CPSF1: variants seen among roughly 807,000 people sequenced by gnomAD.
CPSF1 encodes cleavage and polyadenylation specificity factor subunit 1.
Under a neutral mutation model 175.8 loss-of-function variants are expected in CPSF1, and 106 were observed. The observed-to-expected ratio is 0.60, with a 90% CI of 0.52 to 0.71. The LOEUF is 0.71. Among genes scored for constraint, CPSF1 ranks in the 30% least tolerant of loss-of-function variants. The pLI, the probability that CPSF1 is intolerant of heterozygous loss-of-function variation, is 0.00. For synonymous variants in CPSF1, 1,024 were observed against 858.3 expected (o/e 1.19, Z -3.37); for missense variants, 1,734 against 2,022.9 (o/e 0.86, Z 2.74).
rs2116861979 is a variant in CPSF1, at chr8:144,399,376, GCA to G, written c.1295-5_1295-4del. 803 of 1,612,816 alleles carry G rather than the reference GCA, an allele frequency of 5.0e-4. 6 individuals are homozygous for G. In the African/African-American group the frequency reaches 9.6e-3, roughly 19 times the overall value. ...CTGCGGCACCGACTTACCCGCAGCT[GCA>G]CACAGAGAGCCCACTTGAGCGCAGC... On this transcript the variant is annotated splice_polypyrimidine_tract_variant and splice_region_variant and intron_variant, in intron 13 of 37. Transcript: ENST00000616140. This position sits in a 1 kb window ranked among gnomAD's most constrained non-coding sequence, Gnocchi z 6.4.
chr8:144,402,622 T>C (rs1303046438), intron 2 of CPSF1, among the ~76,000 whole-genome samples: 2 of 152,162 alleles, frequency 1.3e-5, no homozygotes, highest in African/African-American at 4.8e-5. Context: ...GATGGACTTG[T>C]GCTATGGGGA....
At chr8:144,400,135 G>GCGCCCCCC in intron 9 of CPSF1, 31 bp downstream of exon 9, 1 of 896,006 alleles carries the variant, frequency 1.1e-6, no homozygotes, top group Non-Finnish European at 1.6e-6. Flanking sequence ...CCGTCCCCGG[G>GCGCCCCCC]CCCCCCCCGC....
chr8:144,402,710 C>T (rs2116892523), intron 2 of CPSF1, among the ~76,000 whole-genome samples: 1 of 152,134 alleles, frequency 6.6e-6, no homozygotes, highest in South Asian at 2.1e-4. Flanking sequence ...ACAAGGGCAA[C>T]TCCAGGGCTT....
chr8:144,396,814 C>A, intron 24 of CPSF1, 26 bp downstream of exon 24: 9 of 1,613,248 alleles, frequency 5.6e-6, no homozygotes, highest in South Asian at 1.1e-5. Context: ...ACCCACCCCA[C>A]GCCCCAGCAG....
rs2116913247 is a variant in CPSF1 at position 144,409,111 on chromosome 8, G to C, written c.48C>G (p.Phe16Leu). The C allele has an allele frequency of 6.2e-7, 1 of 1,613,842 alleles. No homozygotes were observed. Among genetic ancestry groups the C allele is most frequent in the Non-Finnish European group, 8.5e-7 (1 of 1,179,900 alleles). Residue 16 changes from phenylalanine (F) to leucine (L), a missense_variant, in exon 2 of 38, where the codon TTC (phenylalanine) becomes TTG (leucine). This residue lies in a region of CPSF1 where 126 missense variants were observed against 117.9 expected (regional missense o/e 1.07). Transcript: ENST00000616140. Reference sequence around the variant, plus strand: ...TGTTGAAGAAGTTGCAGTACATGGAGAACTCCAGACCGGTGGGCGGATGCG... The same window carrying C: ...TGTTGAAGAAGTTGCAGTACATGGACAACTCCAGACCGGTGGGCGGATGCG... ...KQAHPPTGLE[F>L]SMYCNFFNNS...
Position 144,394,310 on chromosome 8 carries a change from G to A in CPSF1, c.3745-10C>T, listed in dbSNP as rs782208221. 1 of 1,586,444 alleles carries A rather than the reference G, an allele frequency of 6.3e-7. No individual in the cohort carries two copies. Among genetic ancestry groups the A allele is most frequent in the East Asian group, 2.2e-5 (1 of 44,470 alleles). On this transcript the variant is annotated splice_polypyrimidine_tract_variant and intron_variant, in intron 32 of 37. Coordinates refer to ENST00000616140, the MANE Select transcript of CPSF1 (RefSeq NM_013291.3). ...CCAGGGGCTTGGCATCCTGGGGGCG[G>A]GAAGGGGGCGTCAGAGGTGCCTTGG...
At position 144,394,156 on chromosome 8, in the gene CPSF1, A is replaced by G; in HGVS notation, c.3816T>C (p.Ser1272=). The change falls in exon 34 of 38, where the codon TCT becomes TCC. Residue 1272 remains serine (S), a synonymous_variant. Coordinates refer to ENST00000616140, the MANE Select transcript of CPSF1 (RefSeq NM_013291.3). ...VDNAQLGFLV[S]DRDRNLMVYM... is the part of the protein sequence containing the mutation. ...ACACCATGAGGTTGCGGTCGCGGTC[A>G]GACACTGGGGAGCAGAGGCCCAGGG... 2 of 1,612,878 alleles carry G rather than the reference A, an allele frequency of 1.2e-6. No homozygotes were observed. The highest frequency in any genetic ancestry group is 1.7e-6 in the Non-Finnish European group (2 of 1,179,942).
chr8:144,395,233 T>C (rs782259036), intron 28 of CPSF1, 32 bp downstream of exon 28: 7 of 1,612,774 alleles, frequency 4.3e-6, no homozygotes, highest in Non-Finnish European at 4.2e-6. Flanking sequence ...AAGATGCGGC[T>C]GAGGATGGGA....
In CPSF1 at chr8:144,399,555, A is replaced by C; in HGVS notation, c.1242+33T>G. The C allele has an allele frequency of 6.2e-7, 1 of 1,611,544 alleles. No homozygotes were observed. Among genetic ancestry groups the C allele is most frequent in the Non-Finnish European group, 8.5e-7 (1 of 1,179,238 alleles). ...GCATGCCACAGCAGTGCCCACATGA[A>C]GGGTGGTGGCCCAATGGGCCCAGGA... On this transcript the variant is annotated intron_variant, in intron 12 of 37. Coordinates refer to ENST00000616140, the MANE Select transcript of CPSF1 (RefSeq NM_013291.3). This position sits in a 1 kb window ranked among gnomAD's most constrained non-coding sequence, Gnocchi z 6.4.
Position 144,399,560 on chromosome 8 carries a change from G to C in CPSF1, c.1242+28C>G. 6.8e-6 allele frequency: 11 copies of C among 1,611,330 alleles called. No individual in the cohort carries two copies. The highest frequency in any genetic ancestry group is 9.3e-6 in the Non-Finnish European group (11 of 1,179,110). On this transcript the variant is annotated intron_variant, in intron 12 of 37. Transcript: ENST00000616140. The surrounding 1 kb of genome is among the most constrained non-coding windows in gnomAD (Gnocchi z 6.4). ...CCACAGCAGTGCCCACATGAAGGGT[G>C]GTGGCCCAATGGGCCCAGGAAACCC... is the stretch of plus-strand genomic sequence containing the variant.
chr8:144,400,135 G>GGGGGCCCCCCCCCCCCCCCCCCCCC, intron 9 of CPSF1, 31 bp downstream of exon 9: 21 of 895,994 alleles, frequency 2.3e-5, no homozygotes, highest in East Asian at 2.9e-5. Context: ...CCGTCCCCGG[G>GGGGGCCCCCCCCCCCCCCCCCCCCC]CCCCCCCCGC....
chr8:144,396,760 G>T lies in CPSF1; in HGVS notation c.2683-19C>A, dbSNP rs781851467. 51 of 1,613,436 alleles carry T rather than the reference G, an allele frequency of 3.2e-5. No homozygotes were observed. The Middle Eastern group carries it at 6.6e-4, about 21-fold the overall frequency. ...GAGGGACCTGGGGGGGAACCATGCAGGTCCTCCAGGGGCTGCCGGTCTGAA... is the reference window on the plus strand; with the variant it reads ...GAGGGACCTGGGGGGGAACCATGCATGTCCTCCAGGGGCTGCCGGTCTGAA... On this transcript the variant is annotated intron_variant, in intron 24 of 37. Transcript: ENST00000616140.
chr8:144,400,072 A>C lies in CPSF1; in HGVS notation c.951T>G (p.Gly317=). 6.3e-7 allele frequency: 1 copy of C among 1,584,814 alleles called. No individual in the cohort carries two copies. Among genetic ancestry groups the C allele is most frequent in the Non-Finnish European group, 8.5e-7 (1 of 1,172,314 alleles). Residue 317 remains glycine, a synonymous_variant, in exon 10 of 38, where the codon GGT becomes GGG. Transcript: ENST00000616140. ...GGGCGCAGTCCAGGGTGATCCGCACACCCTCCTGGGTGCCTGTGGGGTGGG... is the reference window on the plus strand; with the variant it reads ...GGGCGCAGTCCAGGGTGATCCGCACCCCCTCCTGGGTGCCTGTGGGGTGGG... The part of the protein sequence containing the change: ...TTAFPLRTQE[G]VRITLDCAQA...
At chr8:144,408,989 G>A in intron 2 of CPSF1, 26 bp downstream of exon 2, 1 of 1,609,388 alleles carries the variant, frequency 6.2e-7, no homozygotes, top group Non-Finnish European at 8.5e-7. Flanking sequence ...GCGGACAGCC[G>A]GGAGGGCTCC....
chr8:144,399,654 G>A lies in CPSF1; in HGVS notation c.1176C>T (p.Leu392=). The A allele has an allele frequency of 6.2e-7, 1 of 1,610,868 alleles. No individual in the cohort carries two copies. Among genetic ancestry groups the A allele is most frequent in the Non-Finnish European group, 8.5e-7 (1 of 1,178,780 alleles). Residue 392 remains leucine (L), a synonymous_variant, in exon 12 of 38, where the codon CTC becomes CTT. Transcript: ENST00000616140. This position sits in a 1 kb window ranked among gnomAD's most constrained non-coding sequence, Gnocchi z 6.4. ...GCAGCTTCTCCGTGTACTTGAGGAG[G>A]AGGGAATTGCCCAGGCGAGAACCCA... ...LFLGSRLGNS[L]LLKYTEKLQE... is the part of the protein sequence containing the mutation.
Position 144,398,399 on chromosome 8 carries a change from G to C in CPSF1, c.1797C>G (p.Gly599=). 1 of 1,613,620 alleles carries C rather than the reference G, an allele frequency of 6.2e-7. No homozygotes were observed. The highest frequency in any genetic ancestry group is 8.5e-7 in the Non-Finnish European group (1 of 1,179,926). The change falls in exon 19 of 38, where the codon GGC becomes GGG. Residue 599 remains glycine, a synonymous_variant. Transcript: ENST00000616140. ...AGACCGTGGGGCCCTGAGTGGCGAAGCCACTGGTGTCCAGCTCCATGATCT... is the reference window on the plus strand; with the variant it reads ...AGACCGTGGGGCCCTGAGTGGCGAACCCACTGGTGTCCAGCTCCATGATCT... ...GQEIMELDTS[G]FATQGPTVFA... is the part of the protein sequence containing the mutation.
Position 144,396,363 on chromosome 8 carries a change from C to T in CPSF1, c.2964G>A (p.Leu988=). The change falls in exon 26 of 38, where the codon CTG becomes CTA. Residue 988 remains leucine (L), a synonymous_variant. Coordinates refer to ENST00000616140, the MANE Select transcript of CPSF1 (RefSeq NM_013291.3). ...FHNVNCPRGF[L]YFNRQGELRI... Reference sequence around the variant, plus strand: ...CGGGCCCCACCTGTCTGTTGAAGTACAGGAAGCCGCGGGGACAGTTGACAT... The same window carrying T: ...CGGGCCCCACCTGTCTGTTGAAGTATAGGAAGCCGCGGGGACAGTTGACAT... 4 of 1,586,650 alleles carry T rather than the reference C, an allele frequency of 2.5e-6. 1 individual carries two copies. The highest frequency in any genetic ancestry group is 3.4e-6 in the Non-Finnish European group (4 of 1,169,586).
Position 144,399,857 on chromosome 8 carries a change from G to T in CPSF1, c.1043C>A (p.Thr348Asn). The T allele has an allele frequency of 6.4e-7, 1 of 1,554,470 alleles. No homozygotes were observed. The highest frequency in any genetic ancestry group is 8.7e-7 in the Non-Finnish European group (1 of 1,149,314). ...ACTGCGCATGCCGTCGGTGATGAGGGTCAGCACGTAGCTGGGGGCAGGGAG... is the reference window on the plus strand; with the variant it reads ...ACTGCGCATGCCGTCGGTGATGAGGTTCAGCACGTAGCTGGGGGCAGGGAG... ...SLKGGEIYVL[T>N]LITDGMRSVR... is the part of the protein sequence containing the mutation. The change falls in exon 11 of 38, where the codon ACC becomes AAC. Residue 348 changes from threonine to asparagine, a missense_variant. Thr to Asn is a moderately conservative substitution (Grantham distance 65, BLOSUM62 0). This residue lies in a region of CPSF1 where 162 missense variants were observed against 169.5 expected (regional missense o/e 0.96). Transcript: ENST00000616140. The surrounding 1 kb of genome is among the most constrained non-coding windows in gnomAD (Gnocchi z 6.4).
chr8:144,395,708 T>A (rs1176651543), intron 26 of CPSF1, 157 bp from the exon 27 acceptor site: 3 of 639,672 alleles, frequency 4.7e-6, no homozygotes, highest in Non-Finnish European at 8.2e-6. Context: ...TGGAAGGGGC[T>A]GCCACTCAGC....
Sources: allele counts gnomAD v4.1 joint callset (sites outside exome capture counted in the v4.1 genomes callset), GRCh38; gene constraint gnomAD v4.1.1; regional missense constraint gnomAD v4.1.1; non-coding constraint Gnocchi (gnomAD v3.1); transcripts MANE v1.5; gene names NCBI Gene and HGNC (gene_info 2026-07-23, HGNC 2026-07-21).